GTF2IRD2: variants seen among roughly 807,000 people sequenced by gnomAD.
GTF2IRD2 encodes GTF2I repeat domain containing 2.
Under a neutral mutation model 49.2 loss-of-function variants are expected in GTF2IRD2, and 8 were observed. That is an observed-to-expected ratio of 0.16 (90% CI 0.10 to 0.29). The LOEUF is 0.29. Ranked by LOEUF, GTF2IRD2 falls within the 10% of genes least tolerant of loss-of-function variation. The pLI is 1.00. For synonymous variants in GTF2IRD2, 47 were observed against 289.7 expected (o/e 0.16, Z 8.51); for missense variants, 130 against 725.7 (o/e 0.18, Z 9.43).
chr7:74,808,764 A>G (rs1797939114), intron 11 of GTF2IRD2, among the ~76,000 whole-genome samples: 1 of 73,074 alleles, frequency 1.4e-5, no homozygotes, highest in African/African-American at 3.7e-5. Flanking sequence ...TTTAGATGGA[A>G]TCTCGCTCTG....
At chr7:74,818,244 C>A (rs1418155679) in intron 8 of GTF2IRD2, among the ~76,000 whole-genome samples, 9 of 50,406 alleles carry the variant, frequency 1.8e-4, no homozygotes, top group African/African-American at 8.4e-4. Context: ...CAGAAAAGTC[C>A]AAAAAAGCAG....
At position 74,812,573 on chromosome 7, in the gene GTF2IRD2, A is replaced by G. The variant is rs1227155260; in HGVS notation, c.748+166T>C. On this transcript the variant is annotated intron_variant, in intron 9 of 15. Transcript: ENST00000451013. ...ACAAAAGAGTACGTGGATTTAGGCT[A>G]AATAGAATCTATTTTATAACTGTAG... Among the ~76,000 whole-genome samples, 5 of 82,070 alleles carry G rather than the reference A, an allele frequency of 6.1e-5. 1 individual carries two copies. The highest frequency in any genetic ancestry group is 1.4e-4 in the African/African-American group (5 of 35,056). 53.8% of individuals were successfully genotyped at this position (82,070 alleles called of 152,430 possible). A position where few individuals can be genotyped will look rare whatever the true frequency, so the allele number is the denominator to read the frequency against.
chr7:74,829,892 A>AAACAAAAAAAAG (rs1436434412), intron 3 of GTF2IRD2, among the ~76,000 whole-genome samples: 1 of 22,490 alleles, frequency 4.4e-5, no homozygotes, highest in African/African-American at 7.2e-5. Context: ...TGTCTCAAAA[A>AAACAAAAAAAAG]AAAAAAAAAA....
chr7:74,822,849 C>T (rs587723286), intron 4 of GTF2IRD2, 42 bp from the exon 5 acceptor site: 15 of 1,550,082 alleles, frequency 9.7e-6, no homozygotes, highest in African/African-American at 2.9e-5. Flanking sequence ...GTGAACCTAA[C>T]GTTCTACCAG....
chr7:74,839,935 G>T (rs1426947679), intron 1 of GTF2IRD2, among the ~76,000 whole-genome samples: 1 of 145,764 alleles, frequency 6.9e-6, no homozygotes, highest in Non-Finnish European at 1.5e-5. Context: ...AGAAGGCGGA[G>T]GTTGCAGTGA....
chr7:74,824,198 G>A (rs1207475309), intron 4 of GTF2IRD2, among the ~76,000 whole-genome samples: 1 of 132,664 alleles, frequency 7.5e-6, no homozygotes, highest in Non-Finnish European at 1.6e-5. Context: ...GCCAGGCACG[G>A]CGGCTCACAC....
At chr7:74,800,375 A>G (rs1303242254) in intron 15 of GTF2IRD2, among the ~76,000 whole-genome samples, 4 of 131,434 alleles carry the variant, frequency 3.0e-5, no homozygotes, top group African/African-American at 6.1e-5. Context: ...ACCATGCCCG[A>G]CTAATTTTTG....
Position 74,796,371 on chromosome 7 carries a change from C to T in GTF2IRD2, c.*291G>A. On this transcript the variant is annotated 3_prime_UTR_variant, in exon 16 of 16. Coordinates refer to ENST00000451013, the MANE Select transcript of GTF2IRD2 (RefSeq NM_173537.5). ...CCTGAGGTCAGGAGTTGGAGACCAGCCTGGCCAACATGGTGAAACCTCATC... is the reference window on the plus strand; with the variant it reads ...CCTGAGGTCAGGAGTTGGAGACCAGTCTGGCCAACATGGTGAAACCTCATC... 2 of 384,382 alleles carry T rather than the reference C, an allele frequency of 5.2e-6. No individual in the cohort carries two copies. Among genetic ancestry groups the T allele is most frequent in the South Asian group, 4.3e-5 (2 of 46,882 alleles). The allele number at this position is 384,382 out of a possible 1,614,324, so 23.8% of individuals were successfully genotyped here.
At chr7:74,826,699 CTTTTTTTTTTTTTT>C (rs1175596623) in intron 3 of GTF2IRD2, among the ~76,000 whole-genome samples, 134 of 16,588 alleles carry the variant, frequency 8.1e-3, no homozygotes, top group African/African-American at 0.018. Flanking sequence ...TCATTTCATT[CTTTTTTTTTTTTTT>C]TTTTTTTTTT....
intron 3 of GTF2IRD2, among the ~76,000 whole-genome samples, chr7:74,825,968 T>C (rs782583507): frequency 4.0e-5 from 6 of 151,798 alleles, no homozygotes; most frequent in South Asian, 4.2e-4. Flanking sequence ...GCCCGGCTAA[T>C]TTTTTGTATT....
intron 9 of GTF2IRD2, among the ~76,000 whole-genome samples, chr7:74,811,491 T>TA (rs1798159014): frequency 8.3e-6 from 1 of 119,992 alleles, no homozygotes; most frequent in Non-Finnish European, 1.9e-5. Context: ...ATGCATCTCC[T>TA]AAAAACTGCT....
intron 2 of GTF2IRD2, among the ~76,000 whole-genome samples, chr7:74,833,221 TTGTG>T (rs369196670): frequency 8.9e-6 from 1 of 112,010 alleles, no homozygotes. Context: ...CCTGGCTAAT[TTGTG>T]TGTGTGTGTG....
rs1416515047 is a variant in GTF2IRD2 at position 74,815,314 on chromosome 7, G to A, written c.671-2498C>T. 6.2e-5 allele frequency among the ~76,000 whole-genome samples: 5 copies of A among 81,188 alleles called. 2 individuals are homozygous for A. The highest frequency in any genetic ancestry group is 1.6e-4 in the Non-Finnish European group (5 of 31,514). 53.3% of individuals were successfully genotyped at this position (81,188 alleles called of 152,430 possible). A position where few individuals can be genotyped will look rare whatever the true frequency, so the allele number is the denominator to read the frequency against. ...AAAAATACAAAAACCAGCCAGGTGT[G>A]GTGGTGGGCACCTGTAATCCCAGCT... is the stretch of plus-strand genomic sequence containing the variant. On this transcript the variant is annotated intron_variant, in intron 8 of 15. Coordinates refer to ENST00000451013, the MANE Select transcript of GTF2IRD2 (RefSeq NM_173537.5).
rs1219133071 is a variant in GTF2IRD2 at position 74,796,509 on chromosome 7, C to T, written c.*153G>A. ...CCCAGGAGCTGGAAGTTGCAGTAAG[C>T]CGAGATCACGCCACTGCACTCCAAC... On this transcript the variant is annotated 3_prime_UTR_variant, in exon 16 of 16. Coordinates refer to ENST00000451013, the MANE Select transcript of GTF2IRD2 (RefSeq NM_173537.5). 3 of 578,500 alleles carry T rather than the reference C, an allele frequency of 5.2e-6. No individual in the cohort carries two copies. The highest frequency in any genetic ancestry group is 5.8e-5 in the East Asian group (2 of 34,270). 35.8% of individuals were successfully genotyped at this position (578,500 alleles called of 1,614,324 possible).
chr7:74,827,830 CTTTT>C (rs1188223440), intron 3 of GTF2IRD2, among the ~76,000 whole-genome samples: 1 of 31,388 alleles, frequency 3.2e-5, no homozygotes, highest in Non-Finnish European at 5.0e-5. Context: ...TTTCCTTTCC[CTTTT>C]TTTTTTTTTT....
intron 3 of GTF2IRD2, among the ~76,000 whole-genome samples, chr7:74,829,890 A>AAAAACAAAAAAC (rs1167564000): frequency 2.4e-5 from 2 of 82,548 alleles, no homozygotes; most frequent in African/African-American, 3.5e-5. Flanking sequence ...TCTGTCTCAA[A>AAAAACAAAAAAC]AAAAAAAAAA....
chr7:74,842,420 G>C (rs1168639126), intron 1 of GTF2IRD2, among the ~76,000 whole-genome samples: 2 of 140,250 alleles, frequency 1.4e-5, no homozygotes, highest in African/African-American at 5.6e-5. Flanking sequence ...TAGTAGAGAT[G>C]GGGTTTTGCC....
rs1366036386 is a variant in GTF2IRD2 at position 74,824,090 on chromosome 7, C to T, written c.358+843G>A. Among the ~76,000 whole-genome samples, 920 of 115,360 alleles carry T rather than the reference C, an allele frequency of 8.0e-3. 7 individuals are homozygous for T. Among genetic ancestry groups the T allele is most frequent in the African/African-American group, 0.031 (886 of 28,530 alleles). The allele number at this position is 115,360 out of a possible 152,430, so 75.7% of individuals were successfully genotyped here. Reference sequence around the variant, plus strand: ...CTGAGGCAGGAAAATGGCAGGAACCCGAGAGGCGGAGCTTGCAGTGAGCCG... The same window carrying T: ...CTGAGGCAGGAAAATGGCAGGAACCTGAGAGGCGGAGCTTGCAGTGAGCCG... On this transcript the variant is annotated intron_variant, in intron 4 of 15. Coordinates refer to ENST00000451013, the MANE Select transcript of GTF2IRD2 (RefSeq NM_173537.5).
At chr7:74,826,824 G>T (rs1296647827) in intron 3 of GTF2IRD2, among the ~76,000 whole-genome samples, 1 of 136,224 alleles carries the variant, frequency 7.3e-6, no homozygotes, top group Admixed American at 8.5e-5. Context: ...CAATTCTTGT[G>T]CCTCAGCCAC....
Sources: allele counts gnomAD v4.1 joint callset (sites outside exome capture counted in the v4.1 genomes callset), GRCh38; gene constraint gnomAD v4.1.1; transcripts MANE v1.5; gene names NCBI Gene and HGNC (gene_info 2026-07-23, HGNC 2026-07-21).